The following SPTB variants were observed in gnomAD, a reference collection of about 807,000 sequenced individuals.
The protein encoded by SPTB is spectrin beta chain, erythrocytic.
Under a neutral mutation model 256.2 loss-of-function variants are expected in SPTB, and 45 were observed. The observed-to-expected ratio is 0.18, with a 90% CI of 0.14 to 0.23. The LOEUF (loss-of-function observed/expected upper bound fraction) is 0.23. Ranked by LOEUF, SPTB falls within the 10% of genes least tolerant of loss-of-function variation. The pLI, the probability that SPTB is intolerant of heterozygous loss-of-function variation, is 1.00. For synonymous variants in SPTB, 1,231 were observed against 1,243.1 expected (o/e 0.99, Z 0.21); for missense variants, 2,715 against 3,040.4 (o/e 0.89, Z 2.52).
chr14:64,794,611 G>A lies in SPTB; in HGVS notation c.1651C>T (p.Leu551Phe), dbSNP rs767667413. The A allele has an allele frequency of 6.2e-7, 1 of 1,614,186 alleles. No individual in the cohort carries two copies. Among genetic ancestry groups the A allele is most frequent in the South Asian group, 1.1e-5 (1 of 91,084 alleles). The change falls in exon 13 of 36, where the codon CTC (leucine) becomes TTC (phenylalanine). Residue 551 changes from leucine (L) to phenylalanine (F), a missense_variant. Physicochemically the swap from Leu to Phe is conservative, Grantham distance 22. This residue lies in a region of SPTB where 2,239 missense variants were observed against 2,384.4 expected (regional missense o/e 0.94). Coordinates refer to ENST00000644917, the MANE Select transcript of SPTB (RefSeq NM_001355436.2). ...TGCTTCCCAAACTCGGCAGACAAGA[G>A]GTGAGCCTGGCAAAGAGAACAGCAG... ...IDWMDEIKAH[L>F]LSAEFGKHLL...
At position 64,841,412 on chromosome 14, in the gene SPTB, C is replaced by T. The variant is rs1279425699; in HGVS notation, c.-51-18267G>A. ...TAAACAGTTTTTAAATCATCTGAGA[C>T]GAATTCTTCCACATCTAGCTCAACA... On this transcript the variant is annotated intron_variant, in intron 1 of 35. Coordinates refer to ENST00000644917, the MANE Select transcript of SPTB (RefSeq NM_001355436.2). The surrounding 1 kb of genome is among the most constrained non-coding windows in gnomAD (Gnocchi z 4.6). Among the ~76,000 whole-genome samples the T allele has an allele frequency of 2.6e-5, 4 of 152,114 alleles. No homozygotes were observed. The highest frequency in any genetic ancestry group is 6.5e-5 in the Admixed American group (1 of 15,268).
At chr14:64,830,170 T>G (rs1299735096) in intron 1 of SPTB, among the ~76,000 whole-genome samples, 1 of 151,872 alleles carries the variant, frequency 6.6e-6, no homozygotes, top group African/African-American at 2.4e-5. Context: ...TCCTCTTTTT[T>G]TTTTCTTTTC....
chr14:64,772,871 G>A lies in SPTB; in HGVS notation c.5262C>T (p.Ile1754=), dbSNP rs142168941. The part of the protein sequence containing the change: ...QERVDNVNAF[I]ERLIDAGHSE... Reference sequence around the variant, plus strand: ...TGTGGCCCGCGTCGATGAGTCGCTCGATGAAGGCATTCACATTGTCCACCC... The same window carrying A: ...TGTGGCCCGCGTCGATGAGTCGCTCAATGAAGGCATTCACATTGTCCACCC... Residue 1754 remains isoleucine (I), a synonymous_variant, in exon 26 of 36, where the codon ATC becomes ATT. Coordinates refer to ENST00000644917, the MANE Select transcript of SPTB (RefSeq NM_001355436.2). This position sits in a 1 kb window ranked among gnomAD's most constrained non-coding sequence, Gnocchi z 5.4. The A allele has an allele frequency of 5.6e-6, 9 of 1,610,782 alleles. No homozygotes were observed. Among genetic ancestry groups the A allele is most frequent in the East Asian group, 2.2e-5 (1 of 44,814 alleles).
chr14:64,789,755 T>C (rs757311111), intron 15 of SPTB, among the ~76,000 whole-genome samples: 8 of 152,144 alleles, frequency 5.3e-5, no homozygotes, highest in Non-Finnish European at 8.8e-5. Flanking sequence ...ATAATTAGAA[T>C]GTAAGATAGG....
At chr14:64,834,112 C>T (rs887281658) in intron 1 of SPTB, among the ~76,000 whole-genome samples, 6 of 150,820 alleles carry the variant, frequency 4.0e-5, no homozygotes, top group African/African-American at 7.3e-5. Context: ...CTGCAACCTC[C>T]GCCTTCCAGG....
In SPTB at chr14:64,767,963, T is replaced by A. The variant is rs1480267939; in HGVS notation, c.6023-104A>T. The A allele has an allele frequency of 3.1e-6, 4 of 1,307,258 alleles. No individual in the cohort carries two copies. The African/African-American group carries it at 4.4e-5, about 14-fold the overall frequency. 81.0% of individuals were successfully genotyped at this position (1,307,258 alleles called of 1,614,324 possible). A position where few individuals can be genotyped will look rare whatever the true frequency, so the allele number is the denominator to read the frequency against. ...CCAGTGGTCAGGCAGGTGGCCTGAA[T>A]AGGTGTCCCTAAACCACATGGATAC... On this transcript the variant is annotated intron_variant, in intron 29 of 35. Coordinates refer to ENST00000644917, the MANE Select transcript of SPTB (RefSeq NM_001355436.2).
chr14:64,765,925 AGTGT>A (rs1245304876), intron 32 of SPTB, among the ~76,000 whole-genome samples: 21 of 127,280 alleles, frequency 1.6e-4, no homozygotes, highest in East Asian at 1.2e-3. Flanking sequence ...GGTGTGTATG[AGTGT>A]GTATGTGTGT....
intron 7 of SPTB, among the ~76,000 whole-genome samples, 167 bp from the exon 8 acceptor site, chr14:64,801,035 C>T (rs1215634617): frequency 2.0e-5 from 3 of 152,234 alleles, no homozygotes; most frequent in Non-Finnish European, 4.4e-5. Flanking sequence ...TAGAACCACA[C>T]ATTACAAAAG....
At chr14:64,879,414 G>A (rs1003728756) in intron 1 of SPTB, among the ~76,000 whole-genome samples, 5 of 152,240 alleles carry the variant, frequency 3.3e-5, no homozygotes, top group Non-Finnish European at 7.3e-5. Context: ...GGACGGGCTA[G>A]AGGCGCAATC....
intron 1 of SPTB, among the ~76,000 whole-genome samples, chr14:64,858,224 C>T (rs528559228): frequency 1.4e-4 from 22 of 152,282 alleles, no homozygotes; most frequent in South Asian, 4.1e-4. Flanking sequence ...TTACTACTCA[C>T]GGTGCAGTAA....
chr14:64,803,815 G>T, intron 3 of SPTB, 35 bp from the exon 4 acceptor site: 1 of 1,573,524 alleles, frequency 6.4e-7, no homozygotes, highest in East Asian at 2.3e-5. Flanking sequence ...GGGCATGGAG[G>T]GACTGCACAG....
chr14:64,774,404 G>C lies in SPTB; in HGVS notation c.4966C>G (p.Pro1656Ala). ...CACAGGGGGCGCACGCACCCCTCAG[G>C]GTGGCCTGCAGACAGCAGGCCCTGG... ...RAQGLLSAGH[P>A]EGEQIIRLQG... The change falls in exon 24 of 36, where the codon CCT (proline) becomes GCT (alanine). Residue 1656 changes from proline to alanine, a missense_variant. Pro to Ala is a conservative substitution (Grantham distance 27). Coordinates refer to ENST00000644917, the MANE Select transcript of SPTB (RefSeq NM_001355436.2). The C allele has an allele frequency of 6.3e-7, 1 of 1,587,396 alleles. No homozygotes were observed. Among genetic ancestry groups the C allele is most frequent in the Non-Finnish European group, 8.6e-7 (1 of 1,167,636 alleles).
At chr14:64,870,883 G>GTGTC in intron 1 of SPTB, among the ~76,000 whole-genome samples, 1 of 152,310 alleles carries the variant, frequency 6.6e-6, no homozygotes, top group East Asian at 1.9e-4. Flanking sequence ...AGCAACCCAA[G>GTGTC]TGTCCATAGA....
chr14:64,872,737 T>A (rs1441009545), intron 1 of SPTB, among the ~76,000 whole-genome samples: 1 of 152,190 alleles, frequency 6.6e-6, no homozygotes, highest in Admixed American at 6.5e-5. Flanking sequence ...CTGCATGTCG[T>A]GGGAGGGACC....
chr14:64,875,381 C>T (rs1275192983), intron 1 of SPTB, among the ~76,000 whole-genome samples: 2 of 152,216 alleles, frequency 1.3e-5, no homozygotes, highest in African/African-American at 4.8e-5. Flanking sequence ...TTAAGAAATA[C>T]ACGCAGCAAC....
rs12435635 is a variant in SPTB at position 64,800,858 on chromosome 14, C to T, written c.774G>A (p.Thr258=). The T allele has an allele frequency of 1.4e-4, 221 of 1,613,842 alleles. No homozygotes were observed. The African/African-American group carries it at 1.4e-3, about 10-fold the overall frequency. The change falls in exon 8 of 36, where the codon ACG becomes ACA. Residue 258 remains threonine (T), a synonymous_variant. Coordinates refer to ENST00000644917, the MANE Select transcript of SPTB (RefSeq NM_001355436.2). The stretch of plus-strand genomic sequence containing the variant: ...TGATGGATTTCTCATCAGGGTTTTC[C>T]GTAAAGACATCTGTTAGGGAAAAGG... ...IPLLDPEDVF[T]ENPDEKSIIT...
In SPTB at chr14:64,795,583, G is replaced by A; in HGVS notation, c.1398C>T (p.Ala466=). ...CGTAGGCAGCCGTGTCGGTCTCGATGGCCTCATGCTTCTTCTTGGCGGCCT... is the reference window on the plus strand; with the variant it reads ...CGTAGGCAGCCGTGTCGGTCTCGATAGCCTCATGCTTCTTCTTGGCGGCCT... ...AVEAAKKKHE[A]IETDTAAYEE... Residue 466 remains alanine, a synonymous_variant, in exon 12 of 36, where the codon GCC becomes GCT. Transcript: ENST00000644917. This position sits in a 1 kb window ranked among gnomAD's most constrained non-coding sequence, Gnocchi z 6.5. 1 of 1,614,132 alleles carries A rather than the reference G, an allele frequency of 6.2e-7. No individual in the cohort carries two copies. Among genetic ancestry groups the A allele is most frequent in the South Asian group, 1.1e-5 (1 of 91,068 alleles).
In SPTB at chr14:64,775,008, C is replaced by T; in HGVS notation, c.4842+117G>A. Reference sequence around the variant, plus strand: ...CAGGGAGTCTGTGGGTTCCTTGTGCCCCTCCCCTGGCCTCACTCCTCACAC... The same window carrying T: ...CAGGGAGTCTGTGGGTTCCTTGTGCTCCTCCCCTGGCCTCACTCCTCACAC... On this transcript the variant is annotated intron_variant, in intron 23 of 35. Coordinates refer to ENST00000644917, the MANE Select transcript of SPTB (RefSeq NM_001355436.2). The surrounding 1 kb of genome is among the most constrained non-coding windows in gnomAD (Gnocchi z 5.0). 3 of 1,455,976 alleles carry T rather than the reference C, an allele frequency of 2.1e-6. No individual in the cohort carries two copies. The highest frequency in any genetic ancestry group is 2.9e-6 in the Non-Finnish European group (3 of 1,047,442). The allele number at this position is 1,455,976 out of a possible 1,614,324, so 90.2% of individuals were successfully genotyped here. A position where few individuals can be genotyped will look rare whatever the true frequency, so the allele number is the denominator to read the frequency against.
chr14:64,786,695 G>T lies in SPTB; in HGVS notation c.3270C>A (p.Pro1090=). 1 of 1,614,094 alleles carries T rather than the reference G, an allele frequency of 6.2e-7. No individual in the cohort carries two copies. The highest frequency in any genetic ancestry group is 2.2e-5 in the East Asian group (1 of 44,872). Residue 1090 remains proline (P), a synonymous_variant, in exon 16 of 36, where the codon CCC becomes CCA. Transcript: ENST00000644917. The surrounding 1 kb of genome is among the most constrained non-coding windows in gnomAD (Gnocchi z 5.6). ...GCTGCTCAGCCTCTGGGAGGGATTC[G>T]GGCATGTCCTCAGAGGCCACAGCCT... ...TQKAVASEDM[P]ESLPEAEQLL... is the part of the protein sequence containing the mutation.
Sources: allele counts gnomAD v4.1 joint callset (sites outside exome capture counted in the v4.1 genomes callset), GRCh38; gene constraint gnomAD v4.1.1; regional missense constraint gnomAD v4.1.1; non-coding constraint Gnocchi (gnomAD v3.1); transcripts MANE v1.5; gene names NCBI Gene and HGNC (gene_info 2026-07-23, HGNC 2026-07-21).